Variants in MRTFB observed in about 807,000 individuals in gnomAD.
MRTFB encodes myocardin related transcription factor B.
Under a neutral mutation model 104.2 loss-of-function variants are expected in MRTFB, and 29 were observed. The observed-to-expected ratio is 0.28, with a 90% CI of 0.21 to 0.38. MRTFB has a LOEUF of 0.38. Ranked by LOEUF, MRTFB falls within the 10% of genes least tolerant of loss-of-function variation. The pLI is 1.00. For synonymous variants in MRTFB, 535 were observed against 519.5 expected, an observed-to-expected ratio of 1.03 and a Z score of -0.41; for missense variants, 1,270 against 1,341.6, an observed-to-expected ratio of 0.95 and a Z score of 0.83.
chr16:14,240,158 A>T, intron 9 of MRTFB, 79 bp from the exon 10 acceptor site: 1 of 1,469,108 alleles, frequency 6.8e-7, no homozygotes, highest in Non-Finnish European at 9.1e-7. Context: ...TTTTAATTTC[A>T]AATCATTTAG....
intron 3 of MRTFB, chr16:14,200,571 CAT>C: frequency 6.2e-7 from 1 of 1,604,242 alleles, no homozygotes. Flanking sequence ...ATCTTGTTGT[CAT>C]GTGACTTTTG....
At chr16:14,048,824 T>C in the MRTFB span, among the ~76,000 whole-genome samples, 1 of 152,164 alleles carries the variant, frequency 6.6e-6, no homozygotes, top group African/African-American at 2.4e-5. Context: ...ATGGAGATCC[T>C]AGAGGGCTGG....
chr16:14,101,006 C>CTT (rs751539285), intron 2 of MRTFB, among the ~76,000 whole-genome samples: 7 of 151,736 alleles, frequency 4.6e-5, no homozygotes, highest in Non-Finnish European at 8.8e-5. Context: ...AAAGAACCAG[C>CTT]TTTTGGTTTA....
chr16:14,091,812 T>C (rs555337066), intron 2 of MRTFB, among the ~76,000 whole-genome samples: 1 of 151,944 alleles, frequency 6.6e-6, no homozygotes, highest in East Asian at 1.9e-4. Context: ...CTAACCAACA[T>C]GGTAAAACCC....
At chr16:14,000,334 C>T in the MRTFB span, among the ~76,000 whole-genome samples, 24 of 152,334 alleles carry the variant, frequency 1.6e-4, no homozygotes, top group African/African-American at 4.3e-4. Flanking sequence ...TATCTGTCTA[C>T]ACCTGCTCTT....
intron 1 of MRTFB, among the ~76,000 whole-genome samples, chr16:14,074,496 A>C (rs58621680): frequency 0.18 from 27,341 of 152,096 alleles, 3,981 homozygotes; most frequent in African/African-American, 0.39. Flanking sequence ...TACTATGCAC[A>C]TATCTCTGAT....
At chr16:14,142,766 G>C (rs1458616867) in intron 3 of MRTFB, 1 of 152,146 alleles carries the variant, frequency 6.6e-6, no homozygotes, top group Admixed American at 6.5e-5. Context: ...AATGGGGAGG[G>C]AAGAGTGAGG....
In MRTFB at chr16:14,138,188, T is replaced by C. The variant is rs554933615; in HGVS notation, c.-63-2356T>C. Among the ~76,000 whole-genome samples the C allele has an allele frequency of 5.7e-4, 87 of 152,296 alleles. No individual in the cohort carries two copies. The South Asian group carries it at 0.014, about 25-fold the overall frequency. On this transcript the variant is annotated intron_variant, in intron 2 of 16. Transcript: ENST00000571589. ...CTATAGTTGTCATGTATATTACATCTACATGTAGTGTAAACCTCACAACAG... is the reference window on the plus strand; with the variant it reads ...CTATAGTTGTCATGTATATTACATCCACATGTAGTGTAAACCTCACAACAG...
intron 3 of MRTFB, among the ~76,000 whole-genome samples, chr16:14,173,557 T>A (rs940711693): frequency 3.3e-5 from 5 of 152,124 alleles, no homozygotes; most frequent in Non-Finnish European, 7.3e-5. Flanking sequence ...ACTTGAAGTT[T>A]GCCAGGTTTC....
chr16:14,115,481 A>G (rs2036497066), intron 2 of MRTFB, among the ~76,000 whole-genome samples: 1 of 152,182 alleles, frequency 6.6e-6, no homozygotes. Flanking sequence ...ATTTGCCCCA[A>G]TTAATGTAGT....
chr16:14,219,123 A>T (rs952489203), intron 8 of MRTFB, 125 bp downstream of exon 8: 2 of 1,046,068 alleles, frequency 1.9e-6, no homozygotes, highest in Admixed American at 7.4e-5. Context: ...TATTAAGCAA[A>T]AAGCAGGCAC....
At chr16:14,260,818 A>G (rs2043743278) in intron 16 of MRTFB, 91 bp from the exon 17 acceptor site, 5 of 1,084,598 alleles carry the variant, frequency 4.6e-6, no homozygotes, top group East Asian at 5.0e-5. Context: ...AAGGAATCGC[A>G]TAATAGCAAT....
In MRTFB at chr16:14,119,813, C is replaced by A. The variant is rs2036747762; in HGVS notation, c.-63-20731C>A. 3.3e-5 allele frequency among the ~76,000 whole-genome samples: 5 copies of A among 152,076 alleles called. No homozygotes were observed. In the South Asian group the frequency reaches 1.0e-3, roughly 32 times the overall value. ...AGTTTAGTCTAAAATAATGGCCTCG[C>A]ATAGCAGCTTTAGGCTAAACTGAAT... On this transcript the variant is annotated intron_variant, in intron 2 of 16. Coordinates refer to ENST00000571589, the MANE Select transcript of MRTFB (RefSeq NM_001308142.2).
chr16:14,052,772 C>T, the MRTFB span, among the ~76,000 whole-genome samples: 1 of 150,660 alleles, frequency 6.6e-6, no homozygotes, highest in Non-Finnish European at 1.5e-5. Flanking sequence ...AAGAAATATA[C>T]AATAAATTGT....
the MRTFB span, among the ~76,000 whole-genome samples, chr16:14,050,794 TG>T: frequency 6.6e-6 from 1 of 152,076 alleles, no homozygotes; most frequent in Admixed American, 6.6e-5. Context: ...GTACTCCAGG[TG>T]CAGAATGGGG....
the MRTFB span, among the ~76,000 whole-genome samples, chr16:14,018,610 T>C: frequency 6.6e-6 from 1 of 152,152 alleles, no homozygotes; most frequent in Non-Finnish European, 1.5e-5. Context: ...TCAGGTCTGA[T>C]AAAACCAGGC....
At chr16:14,009,376 A>T in the MRTFB span, 1 of 152,224 alleles carries the variant, frequency 6.6e-6, no homozygotes, top group South Asian at 2.1e-4. Context: ...TCCTGCAACC[A>T]TACTAAACTT....
intron 3 of MRTFB, among the ~76,000 whole-genome samples, chr16:14,169,345 G>C (rs1213181826): frequency 6.6e-6 from 1 of 151,970 alleles, no homozygotes; most frequent in African/African-American, 2.4e-5. Context: ...TGCTTTTCCT[G>C]CCTGTTTGTA....
intron 3 of MRTFB, among the ~76,000 whole-genome samples, chr16:14,197,132 C>T (rs756050209): frequency 4.5e-4 from 68 of 151,912 alleles, no homozygotes; most frequent in South Asian, 4.4e-3. Flanking sequence ...TCGTGCCCCA[C>T]CACGCCTGGC....
Sources: allele counts gnomAD v4.1 joint callset (sites outside exome capture counted in the v4.1 genomes callset), GRCh38; gene constraint gnomAD v4.1.1; transcripts MANE v1.5; gene names NCBI Gene and HGNC (gene_info 2026-07-23, HGNC 2026-07-21).